The following VWA8 variants were observed in gnomAD, a reference collection of about 807,000 sequenced individuals.
The protein encoded by VWA8 is von Willebrand factor A domain-containing protein 8.
VWA8 carries 221 observed loss-of-function variants against 241.5 expected under a neutral mutation model. The observed-to-expected ratio is 0.91, with a 90% CI of 0.82 to 1.02. VWA8 has a LOEUF of 1.02. Among genes scored for constraint, VWA8 ranks in the 50% least tolerant of loss-of-function variants. The probability of loss-of-function intolerance (pLI) is 0.00; values close to 1 mark genes in which losing one functional copy is unlikely to be tolerated. For synonymous variants in VWA8, 852 were observed against 827.1 expected (o/e 1.03, Z -0.52); for missense variants, 2,322 against 2,328.7 (o/e 1.00, Z 0.06).
At chr13:41,871,691 A>T (rs1325755748) in intron 9 of VWA8, among the ~76,000 whole-genome samples, 2 of 152,040 alleles carry the variant, frequency 1.3e-5, no homozygotes, top group African/African-American at 4.8e-5. Context: ...ACATTTTCTT[A>T]ATCCAGTCTA....
intron 26 of VWA8, among the ~76,000 whole-genome samples, chr13:41,714,643 C>T (rs868248374): frequency 4.6e-5 from 7 of 151,846 alleles, no homozygotes; most frequent in African/African-American, 1.7e-4. Context: ...AAGTGAATCA[C>T]CTTGTGTTTT....
rs1874736752 is a variant in VWA8, at chr13:41,889,759, A to G, written c.651+1661T>C. On this transcript the variant is annotated intron_variant, in intron 5 of 44. Transcript: ENST00000379310. Reference sequence around the variant, plus strand: ...ATAACTTTGCACAGAATTCTACTATAAAGAATATATCAAACTTTTTGTTGT... The same window carrying G: ...ATAACTTTGCACAGAATTCTACTATGAAGAATATATCAAACTTTTTGTTGT... Among the ~76,000 whole-genome samples the G allele has an allele frequency of 2.0e-5, 3 of 152,182 alleles. No individual in the cohort carries two copies. In the South Asian group the frequency reaches 6.2e-4, roughly 31 times the overall value.
chr13:41,581,289 A>C lies in VWA8; in HGVS notation c.5272-5451T>G, dbSNP rs1039452549. Among the ~76,000 whole-genome samples, 12 of 76,478 alleles carry C rather than the reference A, an allele frequency of 1.6e-4. 1 individual carries two copies. The highest frequency in any genetic ancestry group is 1.9e-4 in the Non-Finnish European group (9 of 46,658). The allele number at this position is 76,478 out of a possible 152,430, so 50.2% of individuals were successfully genotyped here. ...AGTGCTGGGATTACAGGCGTGAGCC[A>C]CCGCGCCCGGCCGAGAGTGAGTCAT... On this transcript the variant is annotated intron_variant, in intron 42 of 44. Coordinates refer to ENST00000379310, the MANE Select transcript of VWA8 (RefSeq NM_015058.2).
intron 21 of VWA8, among the ~76,000 whole-genome samples, chr13:41,751,822 C>T (rs907537316): frequency 6.6e-6 from 1 of 152,152 alleles, no homozygotes. Context: ...AGTTAAAGAT[C>T]TATTATATAC....
intron 15 of VWA8, 138 bp downstream of exon 15, chr13:41,819,080 C>T (rs917929809): frequency 1.2e-6 from 1 of 822,142 alleles, no homozygotes; most frequent in African/African-American, 1.8e-5. Flanking sequence ...CACTGACCTT[C>T]ACCACTGTAT....
At chr13:41,805,521 A>G (rs776979038) in intron 17 of VWA8, among the ~76,000 whole-genome samples, 2 of 152,172 alleles carry the variant, frequency 1.3e-5, no homozygotes, top group African/African-American at 4.8e-5. Context: ...CAACGAAGAA[A>G]TATTGGACAT....
intron 2 of VWA8, chr13:41,926,611 T>C (rs1025564215): frequency 1.1e-5 from 6 of 546,668 alleles, no homozygotes; most frequent in Admixed American, 9.6e-5. Flanking sequence ...ATATGGCCTA[T>C]GCAGACTACC....
chr13:41,784,727 T>TATATATATATATATATATATATATAC (rs1555335045), intron 18 of VWA8, among the ~76,000 whole-genome samples: 6 of 69,022 alleles, frequency 8.7e-5, no homozygotes, highest in Admixed American at 1.8e-4. Context: ...TATATATATA[T>TATATATATATATATATATATATATAC]ATACACACAC....
At chr13:41,758,130 A>G (rs1027705463) in intron 21 of VWA8, among the ~76,000 whole-genome samples, 4 of 151,166 alleles carry the variant, frequency 2.6e-5, no homozygotes, top group African/African-American at 9.7e-5. Context: ...ATTTACTACG[A>G]CGGAAGCTCA....
chr13:41,653,360 G>C (rs759914126), intron 37 of VWA8, among the ~76,000 whole-genome samples: 5 of 152,124 alleles, frequency 3.3e-5, no homozygotes, highest in Admixed American at 6.5e-5. Flanking sequence ...CGAGATAAAA[G>C]ATTTCTACAA....
chr13:41,911,935 A>C, intron 3 of VWA8, 103 bp downstream of exon 3: 1 of 1,253,608 alleles, frequency 8.0e-7, no homozygotes, highest in East Asian at 2.9e-5. Context: ...ATTTGTTTCA[A>C]ATAATGACTA....
At position 41,701,383 on chromosome 13, in the gene VWA8, C is replaced by T; in HGVS notation, c.3364+9G>A. 1 of 1,582,922 alleles carries T rather than the reference C, an allele frequency of 6.3e-7. No homozygotes were observed. Among genetic ancestry groups the T allele is most frequent in the South Asian group, 1.2e-5 (1 of 84,704 alleles). ...AGGAAGGAAAGATCAAAAGAATAAG[C>T]AGACATACCATGTGATGTAGCAATG... On this transcript the variant is annotated intron_variant, in intron 28 of 44. Transcript: ENST00000379310.
At chr13:41,784,729 T>TATATATATATATATATATATACAC (rs772522331) in intron 18 of VWA8, among the ~76,000 whole-genome samples, 2 of 60,078 alleles carry the variant, frequency 3.3e-5, no homozygotes, top group African/African-American at 1.1e-4. Context: ...TATATATATA[T>TATATATATATATATATATATACAC]ACACACACAT....
chr13:41,928,135 G>C (rs1355003720), intron 2 of VWA8, among the ~76,000 whole-genome samples: 1 of 152,074 alleles, frequency 6.6e-6, no homozygotes, highest in Non-Finnish European at 1.5e-5. Context: ...AAGAGATAAA[G>C]AGCAATACAA....
intron 4 of VWA8, among the ~76,000 whole-genome samples, chr13:41,898,755 CGAGCGCAGCGCCGG>C: frequency 6.6e-6 from 1 of 152,298 alleles, no homozygotes; most frequent in Admixed American, 6.5e-5. Flanking sequence ...GGCGAGAAAT[CGAGCGCAGCGCCGG>C]TGGGCTGGCA....
At chr13:41,719,309 T>C (rs1254443819) in intron 26 of VWA8, 4 of 1,204,750 alleles carry the variant, frequency 3.3e-6, no homozygotes, top group Admixed American at 4.2e-5. Flanking sequence ...GTAATACGCA[T>C]AGTAATTCAA....
intron 12 of VWA8, among the ~76,000 whole-genome samples, chr13:41,860,625 T>C (rs1377629852): frequency 6.6e-6 from 1 of 152,216 alleles, no homozygotes; most frequent in Non-Finnish European, 1.5e-5. Flanking sequence ...AATAATGTTT[T>C]GGTGAGTTTA....
intron 24 of VWA8, among the ~76,000 whole-genome samples, chr13:41,724,739 G>A (rs1407387290): frequency 6.6e-6 from 1 of 152,118 alleles, no homozygotes; most frequent in East Asian, 1.9e-4. Flanking sequence ...GAGACTGGTG[G>A]GAAAATGAAA....
chr13:41,785,930 T>C (rs1313353707), intron 18 of VWA8, among the ~76,000 whole-genome samples: 1 of 152,050 alleles, frequency 6.6e-6, no homozygotes, highest in Non-Finnish European at 1.5e-5. Flanking sequence ...ACGGAATACA[T>C]CCACTCAGCA....
Sources: gnomAD v4.1 joint callset for allele counts (sites outside exome capture counted in the v4.1 genomes callset) on GRCh38, gnomAD v4.1.1 for gene constraint, MANE v1.5 for transcripts, NCBI Gene and HGNC (gene_info 2026-07-23, HGNC 2026-07-21) for gene names.